The following CSMD2 variants were observed in gnomAD, a reference collection of about 807,000 sequenced individuals.
The protein encoded by CSMD2 is CUB and sushi domain-containing protein 2.
CSMD2 carries 130 observed loss-of-function variants against 398.5 expected under a neutral mutation model. The ratio of observed to expected loss-of-function variants is 0.33; its 90% confidence interval spans 0.28 to 0.38. The LOEUF (loss-of-function observed/expected upper bound fraction) is 0.38, where lower values mean the gene tolerates loss of function less well. CSMD2 is among the 10% of genes least tolerant of loss of function. The pLI, the probability that CSMD2 is intolerant of heterozygous loss-of-function variation, is 1.00. For synonymous variants in CSMD2, 1,828 were observed against 1,908.5 expected (o/e 0.96, Z 1.10); for missense variants, 3,829 against 4,764.9 (o/e 0.80, Z 5.78).
chr1:33,666,092 A>G (rs1409065188), intron 25 of CSMD2, among the ~76,000 whole-genome samples: 1 of 152,188 alleles, frequency 6.6e-6, no homozygotes, highest in Non-Finnish European at 1.5e-5. Context: ...TCTCAAGTCC[A>G]GTGATCTCTC....
intron 31 of CSMD2, among the ~76,000 whole-genome samples, chr1:33,634,173 G>A (rs1029506145): frequency 1.3e-5 from 2 of 152,176 alleles, no homozygotes; most frequent in African/African-American, 4.8e-5. Flanking sequence ...ATGTACATAG[G>A]TGTCCTGGTT....
At chr1:33,741,563 G>A (rs567014738) in intron 14 of CSMD2, among the ~76,000 whole-genome samples, 1 of 152,174 alleles carries the variant, frequency 6.6e-6, no homozygotes, top group Non-Finnish European at 1.5e-5. Flanking sequence ...TGTGATATCT[G>A]TAATAGTGTC....
intron 2 of CSMD2, among the ~76,000 whole-genome samples, chr1:34,073,787 A>G (rs1314096727): frequency 6.6e-6 from 1 of 152,208 alleles, no homozygotes; most frequent in Non-Finnish European, 1.5e-5. Context: ...ATGTTAGTCC[A>G]TTCTTGCATT....
intron 3 of CSMD2, among the ~76,000 whole-genome samples, chr1:34,017,414 AC>A (rs1363961412): frequency 6.6e-6 from 1 of 152,178 alleles, no homozygotes; most frequent in Non-Finnish European, 1.5e-5. Context: ...TCTCCCAAAT[AC>A]CTACTTAGTT....
intron 25 of CSMD2, among the ~76,000 whole-genome samples, chr1:33,677,955 T>C (rs1644773321): frequency 1.0e-5 from 1 of 98,380 alleles, no homozygotes; most frequent in Non-Finnish European, 1.9e-5. Flanking sequence ...CTGGGGACTA[T>C]TGTGGGGTGG....
At chr1:34,070,933 T>C (rs1445470155) in intron 2 of CSMD2, among the ~76,000 whole-genome samples, 1 of 152,116 alleles carries the variant, frequency 6.6e-6, no homozygotes, top group Non-Finnish European at 1.5e-5. Flanking sequence ...CTGTGGAACT[T>C]TGGAGGAGGG....
At chr1:33,721,062 G>C (rs1343971547) in intron 19 of CSMD2, among the ~76,000 whole-genome samples, 4 of 152,162 alleles carry the variant, frequency 2.6e-5, no homozygotes, top group African/African-American at 9.7e-5. Flanking sequence ...GTGGTTCTAA[G>C]GAAGAAGTGA....
At chr1:34,028,723 G>T (rs1210083177) in intron 3 of CSMD2, among the ~76,000 whole-genome samples, 1 of 148,740 alleles carries the variant, frequency 6.7e-6, no homozygotes, top group Non-Finnish European at 1.5e-5. Context: ...TGTGGTGGGG[G>T]ATTAAATGAG....
rs748871928 is a variant in CSMD2, at chr1:33,519,700, C to T, written c.10737-23G>A. The T allele has an allele frequency of 6.2e-7, 1 of 1,613,852 alleles. No individual in the cohort carries two copies. The highest frequency in any genetic ancestry group is 8.5e-7 in the Non-Finnish European group (1 of 1,179,940). On this transcript the variant is annotated intron_variant, in intron 69 of 70. Coordinates refer to ENST00000373381, the MANE Select transcript of CSMD2 (RefSeq NM_001281956.2). This position sits in a 1 kb window ranked among gnomAD's most constrained non-coding sequence, Gnocchi z 5.6. ...CTCCTGGCGATAAAAGAGGAAGTGC[C>T]CACGGCATGAAAAGAGCGACACAGA...
chr1:33,847,208 T>C (rs1348633139), intron 5 of CSMD2, among the ~76,000 whole-genome samples: 1 of 152,050 alleles, frequency 6.6e-6, no homozygotes, highest in African/African-American at 2.4e-5. Context: ...ACTGCTGGGT[T>C]TCCCTCAGCT....
At chr1:33,802,909 A>T (rs181451711) in intron 10 of CSMD2, among the ~76,000 whole-genome samples, 1 of 151,746 alleles carries the variant, frequency 6.6e-6, no homozygotes, top group African/African-American at 2.4e-5. Context: ...AGTAACCCCA[A>T]ACTTTCTCTC....
intron 6 of CSMD2, among the ~76,000 whole-genome samples, chr1:33,826,752 C>A (rs1201497466): frequency 6.6e-6 from 1 of 152,196 alleles, no homozygotes; most frequent in African/African-American, 2.4e-5. Flanking sequence ...GGTCTGACCA[C>A]CCCTGTTACC....
intron 1 of CSMD2, among the ~76,000 whole-genome samples, chr1:34,149,015 A>G (rs1640043357): frequency 6.6e-6 from 1 of 152,124 alleles, no homozygotes; most frequent in Non-Finnish European, 1.5e-5. Flanking sequence ...CTCCCCGAGC[A>G]TTTATTTACT....
intron 3 of CSMD2, among the ~76,000 whole-genome samples, chr1:33,955,244 T>C (rs547625121): frequency 1.6e-4 from 24 of 152,194 alleles, no homozygotes; most frequent in African/African-American, 5.3e-4. Context: ...TATCTTATTT[T>C]CCCCCACGAG....
rs1570656827 is a variant in CSMD2 at position 33,537,749 on chromosome 1, A to G, written c.9632-140T>C. 3 of 796,310 alleles carry G rather than the reference A, an allele frequency of 3.8e-6. No homozygotes were observed. The highest frequency in any genetic ancestry group is 5.0e-5 in the South Asian group (2 of 39,738). The allele number at this position is 796,310 out of a possible 1,614,324, so 49.3% of individuals were successfully genotyped here. ...TCTGGGAACCGGGGCAGCCCCAGGT[A>G]GGTGCTTCCACCTGCTGCGGTGCTG... On this transcript the variant is annotated intron_variant, in intron 60 of 70. Coordinates refer to ENST00000373381, the MANE Select transcript of CSMD2 (RefSeq NM_001281956.2). This position sits in a 1 kb window ranked among gnomAD's most constrained non-coding sequence, Gnocchi z 4.6.
intron 1 of CSMD2, among the ~76,000 whole-genome samples, chr1:34,131,130 G>A (rs1174035342): frequency 2.0e-5 from 3 of 152,032 alleles, no homozygotes; most frequent in Non-Finnish European, 4.4e-5. Context: ...ACATTATTAA[G>A]TACCTGCCAT....
At chr1:33,681,508 A>G (rs1644907340) in intron 25 of CSMD2, among the ~76,000 whole-genome samples, 1 of 152,164 alleles carries the variant, frequency 6.6e-6, no homozygotes, top group African/African-American at 2.4e-5. Context: ...ACCATTGACA[A>G]TATAAGTAGG....
At chr1:33,806,973 G>C (rs2124946377) in intron 10 of CSMD2, among the ~76,000 whole-genome samples, 1 of 152,296 alleles carries the variant, frequency 6.6e-6, no homozygotes, top group East Asian at 1.9e-4. Context: ...TTCCCAAGCT[G>C]ATGAAAGATA....
chr1:33,585,293 A>G (rs1418095288), intron 46 of CSMD2, among the ~76,000 whole-genome samples: 1 of 152,206 alleles, frequency 6.6e-6, no homozygotes, highest in Non-Finnish European at 1.5e-5. Flanking sequence ...AATTAATCCC[A>G]GGATTACAAT....
Sources: gnomAD v4.1 joint callset for allele counts (sites outside exome capture counted in the v4.1 genomes callset) on GRCh38, gnomAD v4.1.1 for gene constraint, Gnocchi (gnomAD v3.1) non-coding constraint, MANE v1.5 for transcripts, NCBI Gene and HGNC (gene_info 2026-07-23, HGNC 2026-07-21) for gene names.